ADA: variants seen among roughly 807,000 people sequenced by gnomAD.
The protein encoded by ADA is adenosine aminohydrolase.
In ADA, 45 loss-of-function variants were observed where a neutral mutation model predicts 49.0. The observed-to-expected ratio is 0.92, with a 90% CI of 0.72 to 1.18. ADA has a LOEUF of 1.18. Among genes scored for constraint, ADA ranks in the 50% most tolerant of loss-of-function variants. The pLI is 0.00. For missense variants in ADA, 445 were observed against 472.5 expected (o/e 0.94, Z 0.54); for synonymous variants, 173 against 184.2 (o/e 0.94, Z 0.49).
At chr20:44,647,319 C>T (rs1470232882) in intron 1 of ADA, among the ~76,000 whole-genome samples, 1 of 151,964 alleles carries the variant, frequency 6.6e-6, no homozygotes, top group African/African-American at 2.4e-5. Context: ...GCCTGTAATT[C>T]CAGCTACTTG....
intron 1 of ADA, among the ~76,000 whole-genome samples, chr20:44,647,830 T>C (rs1458155604): frequency 2.6e-5 from 4 of 151,966 alleles, no homozygotes; most frequent in African/African-American, 7.3e-5. Context: ...GGCAGAAGAA[T>C]GGCTTGAACT....
intron 1 of ADA, among the ~76,000 whole-genome samples, chr20:44,649,726 G>C (rs2065624417): frequency 7.0e-6 from 1 of 143,744 alleles, no homozygotes; most frequent in African/African-American, 2.6e-5. Context: ...CGCAATCAAG[G>C]AGCCTTTTTT....
chr20:44,620,455 T>TCTTAG, intron 10 of ADA, 54 bp from the exon 11 acceptor site: 1 of 1,456,868 alleles, frequency 6.9e-7, no homozygotes, highest in Non-Finnish European at 9.6e-7. Flanking sequence ...AGAAGGCAGC[T>TCTTAG]CTTAGCAATG....
rs903666221 is a variant in ADA at position 44,623,365 on chromosome 20, A to G, written c.607-287T>C. ...GAAGGACTGAAGCTCAGGAGATTCA[A>G]GTAATGTGACCAAGGTCAGACAGGA... On this transcript the variant is annotated intron_variant, in intron 6 of 11. Coordinates refer to ENST00000372874, the MANE Select transcript of ADA (RefSeq NM_000022.4). Among the ~76,000 whole-genome samples, 3 of 152,256 alleles carry G rather than the reference A, an allele frequency of 2.0e-5. No individual in the cohort carries two copies. The East Asian group carries it at 5.8e-4, about 29-fold the overall frequency.
intron 2 of ADA, 78 bp from the exon 3 acceptor site, chr20:44,629,247 T>C (rs980831729): frequency 6.2e-7 from 1 of 1,600,606 alleles, no homozygotes; most frequent in African/African-American, 1.3e-5. Context: ...TGGAGCAGAC[T>C]CAGGAGCGCC....
chr20:44,646,680 C>T (rs1338238006), intron 1 of ADA, among the ~76,000 whole-genome samples: 1 of 152,044 alleles, frequency 6.6e-6, no homozygotes, highest in Non-Finnish European at 1.5e-5. Context: ...GAGTTGTCTA[C>T]CTGAGGTACC....
intron 1 of ADA, among the ~76,000 whole-genome samples, chr20:44,638,148 C>T (rs1036739303): frequency 1.3e-5 from 2 of 152,236 alleles, no homozygotes; most frequent in East Asian, 1.9e-4. Flanking sequence ...AGTCACTTCA[C>T]TTCCTGTGCC....
rs980781385 is a variant in ADA at position 44,619,599 on chromosome 20, T to G, written c.*235A>C. On this transcript the variant is annotated 3_prime_UTR_variant, in exon 12 of 12. Transcript: ENST00000372874. Reference sequence around the variant, plus strand: ...GTTGCCACAGAAGGAGGGTTTCAGATTCAACCATGCCCATGTGCAAGGGCG... The same window carrying G: ...GTTGCCACAGAAGGAGGGTTTCAGAGTCAACCATGCCCATGTGCAAGGGCG... 8.7e-5 allele frequency: 47 copies of G among 539,002 alleles called. No homozygotes were observed. The Admixed American group carries it at 1.5e-3, about 17-fold the overall frequency. 33.4% of individuals were successfully genotyped at this position (539,002 alleles called of 1,614,324 possible). A position where few individuals can be genotyped will look rare whatever the true frequency, so the allele number is the denominator to read the frequency against.
chr20:44,633,521 T>A (rs1287452673), intron 2 of ADA, among the ~76,000 whole-genome samples: 1 of 152,080 alleles, frequency 6.6e-6, no homozygotes, highest in Non-Finnish European at 1.5e-5. Flanking sequence ...CTGAGTGAGA[T>A]GGGGAAGCTG....
In ADA at chr20:44,648,339, A is replaced by G. The variant is rs149391502; in HGVS notation, c.33+3236T>C. On this transcript the variant is annotated intron_variant, in intron 1 of 11. Coordinates refer to ENST00000372874, the MANE Select transcript of ADA (RefSeq NM_000022.4). ...GACGATGACCCTGCATGGCAGGCAC[A>G]CTTGAATGGGTGTTCAGAGTTCTGA... Among the ~76,000 whole-genome samples, 820 of 152,224 alleles carry G rather than the reference A, an allele frequency of 5.4e-3. 16 individuals are homozygous for G. Among genetic ancestry groups the G allele is most frequent in the Middle Eastern group, 0.02 (6 of 294 alleles).
At chr20:44,650,293 G>C (rs2065632219) in intron 1 of ADA, among the ~76,000 whole-genome samples, 1 of 152,184 alleles carries the variant, frequency 6.6e-6, no homozygotes, top group South Asian at 2.1e-4. Context: ...TGGGGGCCAG[G>C]CCTCACCCTC....
At chr20:44,631,488 A>G (rs892412496) in intron 2 of ADA, among the ~76,000 whole-genome samples, 1 of 152,142 alleles carries the variant, frequency 6.6e-6, no homozygotes, top group African/African-American at 2.4e-5. Context: ...GTTGTCAAAC[A>G]CTGTTGGGGA....
chr20:44,646,178 T>C (rs1398398250), intron 1 of ADA, among the ~76,000 whole-genome samples: 1 of 152,042 alleles, frequency 6.6e-6, no homozygotes, highest in Admixed American at 6.6e-5. Context: ...CACCCTGAGG[T>C]TGAATGCAGG....
Position 44,651,634 on chromosome 20 carries a change from T to C in ADA, c.-27A>G. 1.3e-6 allele frequency: 2 copies of C among 1,507,232 alleles called. No homozygotes were observed. Among genetic ancestry groups the C allele is most frequent in the South Asian group, 2.5e-5 (2 of 81,596 alleles). The allele number at this position is 1,507,232 out of a possible 1,614,324, so 93.4% of individuals were successfully genotyped here. A position where few individuals can be genotyped will look rare whatever the true frequency, so the allele number is the denominator to read the frequency against. ...GTGCCCTCGTGCGCCCCGGCGCTGCTCCCTCCGCCGCCGCTCGGTGGGTCT... is the reference window on the plus strand; with the variant it reads ...GTGCCCTCGTGCGCCCCGGCGCTGCCCCCTCCGCCGCCGCTCGGTGGGTCT... On this transcript the variant is annotated 5_prime_UTR_variant, in exon 1 of 12. Coordinates refer to ENST00000372874, the MANE Select transcript of ADA (RefSeq NM_000022.4).
chr20:44,624,071 A>G (rs2065358963), intron 6 of ADA, 131 bp downstream of exon 6: 1 of 1,342,828 alleles, frequency 7.4e-7, no homozygotes, highest in Admixed American at 2.0e-5. Context: ...TCCAAGCCTT[A>G]AGACCCAACA....
rs192154775 is a variant in ADA at position 44,638,678 on chromosome 20, G to A, written c.34-2390C>T. 3.9e-5 allele frequency among the ~76,000 whole-genome samples: 6 copies of A among 152,330 alleles called. No homozygotes were observed. In the East Asian group the frequency reaches 5.8e-4, roughly 15 times the overall value. ...ACAGGAGGGTCCAAGTCCTGTTCCT[G>A]GGGCTTGTACAGGCCCCAGAGTGGG... is the stretch of plus-strand genomic sequence containing the variant. On this transcript the variant is annotated intron_variant, in intron 1 of 11. Transcript: ENST00000372874.
intron 1 of ADA, 91 bp from the exon 2 acceptor site, chr20:44,636,379 A>T: frequency 1.8e-6 from 2 of 1,125,928 alleles, no homozygotes; most frequent in Non-Finnish European, 2.6e-6. Context: ...CTTAATGTTA[A>T]CATTAATCAT....
intron 4 of ADA, 25 bp from the exon 5 acceptor site, chr20:44,625,709 G>T (rs1245862984): frequency 6.5e-7 from 1 of 1,540,672 alleles, no homozygotes; most frequent in Admixed American, 2.0e-5. Context: ...GAGTAGGGAT[G>T]GGCCTGAGGC....
intron 1 of ADA, among the ~76,000 whole-genome samples, chr20:44,646,462 G>A (rs563344689): frequency 6.6e-6 from 1 of 150,876 alleles, no homozygotes; most frequent in East Asian, 1.9e-4. Flanking sequence ...CAAAAAGGAG[G>A]AGGGAGGAGG....
Sources: gnomAD v4.1 joint callset for allele counts (sites outside exome capture counted in the v4.1 genomes callset) on GRCh38, gnomAD v4.1.1 for gene constraint, MANE v1.5 for transcripts, NCBI Gene and HGNC (gene_info 2026-07-23, HGNC 2026-07-21) for gene names.